Variants in SLC71A2 observed in about 807,000 individuals in gnomAD.
SLC71A2 encodes the protein solute carrier family 71 member 2.
the SLC71A2 span, chr9:94,429,139 T>A: frequency 6.2e-7 from 1 of 1,603,974 alleles, no homozygotes; most frequent in Non-Finnish European, 8.5e-7. Flanking sequence ...AGAAAATTTT[T>A]CCTTTAACTT....
the SLC71A2 span, among the ~76,000 whole-genome samples, chr9:94,384,732 G>A: frequency 6.6e-6 from 1 of 152,086 alleles, no homozygotes; most frequent in Non-Finnish European, 1.5e-5. Context: ...TTAACTCCCT[G>A]CTATGGTGCG....
the SLC71A2 span, among the ~76,000 whole-genome samples, chr9:94,383,161 C>CTTTTT: frequency 1.2e-3 from 128 of 105,786 alleles, 4 homozygotes; most frequent in Non-Finnish European, 1.5e-3. Context: ...GCTTTTACAT[C>CTTTTT]TTTTTTTTTT....
At chr9:94,453,051 TTTTG>T in the SLC71A2 span, among the ~76,000 whole-genome samples, 1 of 152,102 alleles carries the variant, frequency 6.6e-6, no homozygotes, top group African/African-American at 2.4e-5. Context: ...CCGTTTATAT[TTTTG>T]TTTTTGTTGA....
chr9:94,457,597 G>A, the SLC71A2 span, among the ~76,000 whole-genome samples: 1 of 152,164 alleles, frequency 6.6e-6, no homozygotes, highest in East Asian at 1.9e-4. Flanking sequence ...TGTGTCTGAA[G>A]TGAAGATGTG....
chr9:94,402,277 C>T, the SLC71A2 span, among the ~76,000 whole-genome samples: 4 of 152,210 alleles, frequency 2.6e-5, no homozygotes, highest in East Asian at 1.9e-4. Flanking sequence ...CTAGGCTTCA[C>T]ATACAGTTAA....
At chr9:94,413,651 C>A in the SLC71A2 span, among the ~76,000 whole-genome samples, 1 of 68,364 alleles carries the variant, frequency 1.5e-5, no homozygotes. Flanking sequence ...CAAAGCGAGA[C>A]TTCATCTCAA....
At chr9:94,377,921 A>G in the SLC71A2 span, among the ~76,000 whole-genome samples, 3 of 152,122 alleles carry the variant, frequency 2.0e-5, no homozygotes, top group South Asian at 2.1e-4. Flanking sequence ...CCTGGCCAAC[A>G]TGGTGAAATC....
At chr9:94,408,425 A>G in the SLC71A2 span, among the ~76,000 whole-genome samples, 1 of 152,192 alleles carries the variant, frequency 6.6e-6, no homozygotes, top group African/African-American at 2.4e-5. Flanking sequence ...GCTGGCTTCA[A>G]AGAGTGAGTT....
chr9:94,422,807 C>T, the SLC71A2 span, among the ~76,000 whole-genome samples: 1 of 151,978 alleles, frequency 6.6e-6, no homozygotes, highest in East Asian at 1.9e-4. Flanking sequence ...GGTTGTGTCC[C>T]TTTTTCTTAT....
the SLC71A2 span, among the ~76,000 whole-genome samples, chr9:94,445,517 T>C: frequency 6.6e-6 from 1 of 152,232 alleles, no homozygotes; most frequent in East Asian, 1.9e-4. Context: ...TTTTCACTCA[T>C]TTTAACTCAA....
chr9:94,395,815 A>C, the SLC71A2 span, among the ~76,000 whole-genome samples: 1 of 152,204 alleles, frequency 6.6e-6, no homozygotes, highest in Admixed American at 6.5e-5. Flanking sequence ...TCTGGCCTGC[A>C]GTCTCAAGAT....
At chr9:94,425,764 A>G in the SLC71A2 span, among the ~76,000 whole-genome samples, 1 of 152,158 alleles carries the variant, frequency 6.6e-6, no homozygotes, top group East Asian at 1.9e-4. Context: ...CCAGGCAAGA[A>G]GGAGGTCTGC....
the SLC71A2 span, among the ~76,000 whole-genome samples, chr9:94,401,234 G>T: frequency 3.3e-5 from 5 of 152,008 alleles, no homozygotes; most frequent in African/African-American, 1.2e-4. Flanking sequence ...GCAGTGGCGC[G>T]ATCTTGGCTC....
chr9:94,406,530 T>C, the SLC71A2 span, among the ~76,000 whole-genome samples: 52 of 152,234 alleles, frequency 3.4e-4, no homozygotes, highest in Middle Eastern at 3.4e-3. Flanking sequence ...TGAGCCACTG[T>C]GCCCAGCCGT....
the SLC71A2 span, among the ~76,000 whole-genome samples, chr9:94,418,395 T>C: frequency 0.15 from 23,064 of 152,170 alleles, 1,815 homozygotes; most frequent in Middle Eastern, 0.27. Flanking sequence ...ATTTCTTTTT[T>C]ATAATTTTTA....
At chr9:94,380,131 G>A in the SLC71A2 span, among the ~76,000 whole-genome samples, 1 of 152,182 alleles carries the variant, frequency 6.6e-6, no homozygotes, top group Non-Finnish European at 1.5e-5. Flanking sequence ...GCCAGGCGTG[G>A]TGGTGGGCGC....
chr9:94,406,251 T>G, the SLC71A2 span, among the ~76,000 whole-genome samples: 4 of 151,520 alleles, frequency 2.6e-5, no homozygotes, highest in Non-Finnish European at 4.4e-5. Context: ...TGATTATTAT[T>G]ATTTTTTGAA....
the SLC71A2 span, among the ~76,000 whole-genome samples, chr9:94,380,043 G>A: frequency 6.6e-6 from 1 of 152,156 alleles, no homozygotes. Flanking sequence ...TGAGGCAGGC[G>A]GATCACGAGG....
the SLC71A2 span, among the ~76,000 whole-genome samples, chr9:94,417,875 CCG>C: frequency 1.3e-5 from 1 of 75,530 alleles, no homozygotes; most frequent in Non-Finnish European, 2.5e-5. Context: ...CCCCCCCCCC[CCG>C]ACAGAGTCTT....
Sources: allele counts gnomAD v4.1 joint callset (sites outside exome capture counted in the v4.1 genomes callset), GRCh38; gene constraint gnomAD v4.1.1; transcripts MANE v1.5; gene names NCBI Gene and HGNC (gene_info 2026-07-23, HGNC 2026-07-21).